AGAP1: variants seen among roughly 807,000 people sequenced by gnomAD.
The protein encoded by AGAP1 is arf-GAP with GTPase, ANK repeat and PH domain-containing protein 1.
In AGAP1, 29 loss-of-function variants were observed where a neutral mutation model predicts 105.3. The ratio of observed to expected loss-of-function variants is 0.28; its 90% CI spans 0.21 to 0.38. The LOEUF (loss-of-function observed/expected upper bound fraction) is 0.38. Ranked by LOEUF, AGAP1 falls within the 10% of genes least tolerant of loss-of-function variation. The pLI, the probability that AGAP1 is intolerant of heterozygous loss-of-function variation, is 1.00. For synonymous variants in AGAP1, 509 were observed against 485.9 expected (o/e 1.05, Z -0.63); for missense variants, 998 against 1,165.1 (o/e 0.86, Z 2.09).
chr2:235,811,540 C>G (rs1958140033), intron 9 of AGAP1, among the ~76,000 whole-genome samples: 1 of 152,208 alleles, frequency 6.6e-6, no homozygotes, highest in African/African-American at 2.4e-5. Flanking sequence ...GGAGTCTTTT[C>G]TTCCTTTTTC....
rs143774793 is a variant in AGAP1, at chr2:236,046,370, G to A, written c.1892-2689G>A. On this transcript the variant is annotated intron_variant, in intron 15 of 17. Coordinates refer to ENST00000304032, the MANE Select transcript of AGAP1 (RefSeq NM_001037131.3). The surrounding 1 kb of genome is among the most constrained non-coding windows in gnomAD (Gnocchi z 5.2). ...CTGCAGGGAAGTGACGGGCAAGGCCGCAGACAGGAGCCCCTTGCACCCCAG... is the reference window on the plus strand; with the variant it reads ...CTGCAGGGAAGTGACGGGCAAGGCCACAGACAGGAGCCCCTTGCACCCCAG... Among the ~76,000 whole-genome samples, 16 of 152,330 alleles carry A rather than the reference G, an allele frequency of 1.1e-4. No homozygotes were observed. The East Asian group carries it at 1.5e-3, about 15-fold the overall frequency.
intron 6 of AGAP1, among the ~76,000 whole-genome samples, chr2:235,786,852 C>G (rs1007877939): frequency 6.6e-6 from 1 of 152,096 alleles, no homozygotes; most frequent in African/African-American, 2.4e-5. Flanking sequence ...TTCAGGAGAC[C>G]CCTAGAGTTC....
At position 236,005,283 on chromosome 2, in the gene AGAP1, C is replaced by T. The variant is rs2056282878; in HGVS notation, c.1646-31278C>T. ...CCCTCAGCCTCCCAAATAGCTGGGA[C>T]TACAGGAGTGTGCCACCGGCTAATT... On this transcript the variant is annotated intron_variant, in intron 13 of 17. Coordinates refer to ENST00000304032, the MANE Select transcript of AGAP1 (RefSeq NM_001037131.3). This position sits in a 1 kb window ranked among gnomAD's most constrained non-coding sequence, Gnocchi z 4.1. 2.0e-5 allele frequency among the ~76,000 whole-genome samples: 3 copies of T among 152,018 alleles called. No individual in the cohort carries two copies.
Position 235,777,611 on chromosome 2 carries a change from C to A in AGAP1, c.674-20148C>A, listed in dbSNP as rs936254504. On this transcript the variant is annotated intron_variant, in intron 6 of 17. Coordinates refer to ENST00000304032, the MANE Select transcript of AGAP1 (RefSeq NM_001037131.3). This position sits in a 1 kb window ranked among gnomAD's most constrained non-coding sequence, Gnocchi z 5.1. ...GCTGTCTCACCTGCACCCCTCCAAT[C>A]GCCTTCTCAGAATCCGACGCTGGTC... 6.6e-6 allele frequency among the ~76,000 whole-genome samples: 1 copy of A among 152,198 alleles called. No individual in the cohort carries two copies. The highest frequency in any genetic ancestry group is 2.4e-5 in the African/African-American group (1 of 41,452).
At chr2:235,759,754 G>A (rs1954280908) in intron 6 of AGAP1, among the ~76,000 whole-genome samples, 1 of 152,142 alleles carries the variant, frequency 6.6e-6, no homozygotes, top group Non-Finnish European at 1.5e-5. Context: ...TATGAAACAT[G>A]ACATTGTCAA....
At chr2:235,978,979 G>T (rs2054974396) in intron 13 of AGAP1, among the ~76,000 whole-genome samples, 1 of 152,090 alleles carries the variant, frequency 6.6e-6, no homozygotes, top group African/African-American at 2.4e-5. Flanking sequence ...GATTAGATGG[G>T]CTCTGTTATA....
chr2:235,813,154 A>G (rs1958251714), intron 9 of AGAP1, among the ~76,000 whole-genome samples: 2 of 152,214 alleles, frequency 1.3e-5, no homozygotes, highest in African/African-American at 4.8e-5. Flanking sequence ...GTCTTTGAGT[A>G]TATCGGGCAC....
At chr2:235,531,471 CT>C (rs2149074686) in intron 1 of AGAP1, among the ~76,000 whole-genome samples, 1 of 152,280 alleles carries the variant, frequency 6.6e-6, no homozygotes, top group African/African-American at 2.4e-5. Flanking sequence ...TGTCCTGTAG[CT>C]CATGAGTGAC....
In AGAP1 at chr2:235,549,717, C is replaced by T. The variant is rs536038776; in HGVS notation, c.163+54868C>T. Among the ~76,000 whole-genome samples the T allele has an allele frequency of 5.9e-5, 9 of 152,300 alleles. No individual in the cohort carries two copies. The South Asian group carries it at 1.2e-3, about 21-fold the overall frequency. ...TTGATACTTTACGAGCATTCACATG[C>T]ATTTAAGAGTGCTCTTAGCAGTTCG... On this transcript the variant is annotated intron_variant, in intron 1 of 17. Coordinates refer to ENST00000304032, the MANE Select transcript of AGAP1 (RefSeq NM_001037131.3). This position sits in a 1 kb window ranked among gnomAD's most constrained non-coding sequence, Gnocchi z 4.2.
chr2:235,653,029 G>A (rs930050846), intron 1 of AGAP1, among the ~76,000 whole-genome samples: 1 of 152,194 alleles, frequency 6.6e-6, no homozygotes, highest in African/African-American at 2.4e-5. Context: ...GGTGTGGGGA[G>A]GCAGCACTGC....
chr2:235,620,517 T>C lies in AGAP1; in HGVS notation c.164-88662T>C, dbSNP rs1223866378. Among the ~76,000 whole-genome samples the C allele has an allele frequency of 6.6e-6, 1 of 152,104 alleles. No individual in the cohort carries two copies. Among genetic ancestry groups the C allele is most frequent in the Non-Finnish European group, 1.5e-5 (1 of 68,022 alleles). On this transcript the variant is annotated intron_variant, in intron 1 of 17. Coordinates refer to ENST00000304032, the MANE Select transcript of AGAP1 (RefSeq NM_001037131.3). This position sits in a 1 kb window ranked among gnomAD's most constrained non-coding sequence, Gnocchi z 4.5. Reference sequence around the variant, plus strand: ...ACTGCTTCCTCTTTTTGGAAAACCTTCCTGGGGGCCCTTGCAGCTTGGCCC... The same window carrying C: ...ACTGCTTCCTCTTTTTGGAAAACCTCCCTGGGGGCCCTTGCAGCTTGGCCC...
chr2:235,856,224 A>G (rs1260862345), intron 9 of AGAP1, among the ~76,000 whole-genome samples: 2 of 152,118 alleles, frequency 1.3e-5, no homozygotes, highest in Non-Finnish European at 2.9e-5. Flanking sequence ...GAATATTTTT[A>G]AATGTTCATC....
chr2:235,524,804 G>A (rs367649711), intron 1 of AGAP1, among the ~76,000 whole-genome samples: 3 of 152,196 alleles, frequency 2.0e-5, no homozygotes, highest in Admixed American at 6.5e-5. Context: ...ATTAGTGGGG[G>A]TAGGGGTGAG....
At chr2:236,100,657 T>C (rs907319402) in intron 16 of AGAP1, among the ~76,000 whole-genome samples, 22 of 151,994 alleles carry the variant, frequency 1.4e-4, no homozygotes, top group African/African-American at 5.3e-4. Flanking sequence ...AAACCTCGTC[T>C]CTACTAAAAA....
chr2:235,598,533 C>T (rs1470083236), intron 1 of AGAP1, among the ~76,000 whole-genome samples: 1 of 152,120 alleles, frequency 6.6e-6, no homozygotes, highest in Admixed American at 6.5e-5. Flanking sequence ...TTCCAGGAAC[C>T]TATTGGTGAT....
chr2:235,616,108 A>G (rs1216944002), intron 1 of AGAP1, among the ~76,000 whole-genome samples: 1 of 152,210 alleles, frequency 6.6e-6, no homozygotes. Context: ...CAAGCCTGTA[A>G]TCCTAGCACT....
At chr2:235,607,057 T>C (rs1017107601) in intron 1 of AGAP1, among the ~76,000 whole-genome samples, 1 of 147,680 alleles carries the variant, frequency 6.8e-6, no homozygotes, top group Middle Eastern at 3.6e-3. Context: ...GTGAGAAAAA[T>C]GGGTATTAAA....
chr2:236,090,402 AAAT>A lies in AGAP1; in HGVS notation c.2115-29785_2115-29783del, dbSNP rs1164731375. ...GCACACTCAAGAGTCACAAATTAGA[AAAT>A]AATATTCACATGTTTCTTCTAATTG... On this transcript the variant is annotated intron_variant, in intron 16 of 17. Transcript: ENST00000304032. The surrounding 1 kb of genome is among the most constrained non-coding windows in gnomAD (Gnocchi z 4.3). Among the ~76,000 whole-genome samples, 1 of 152,242 alleles carries A rather than the reference AAAT, an allele frequency of 6.6e-6. No individual in the cohort carries two copies. Among genetic ancestry groups the A allele is most frequent in the African/African-American group, 2.4e-5 (1 of 41,458 alleles).
intron 13 of AGAP1, among the ~76,000 whole-genome samples, chr2:236,024,753 A>G (rs1381988465): frequency 6.6e-6 from 1 of 152,230 alleles, no homozygotes; most frequent in Non-Finnish European, 1.5e-5. Context: ...AATTAGCCCC[A>G]TGGGGCCTTG....
Sources: allele counts gnomAD v4.1 joint callset (sites outside exome capture counted in the v4.1 genomes callset), GRCh38; gene constraint gnomAD v4.1.1; non-coding constraint Gnocchi (gnomAD v3.1); transcripts MANE v1.5; gene names NCBI Gene and HGNC (gene_info 2026-07-23, HGNC 2026-07-21).